The following ZNF395 variants were observed in gnomAD, a reference collection of about 807,000 sequenced individuals.
The protein encoded by ZNF395 is HD gene regulatory region-binding protein 2.
In ZNF395, 20 loss-of-function variants were observed where a neutral mutation model predicts 57.7. That is an observed-to-expected ratio of 0.35 (90% CI 0.24 to 0.50). The LOEUF is 0.50. Among genes scored for constraint, ZNF395 ranks in the 20% least tolerant of loss-of-function variants. The pLI is 0.97. For synonymous variants in ZNF395, 295 were observed against 275.9 expected (o/e 1.07, Z -0.69); for missense variants, 606 against 671.2 (o/e 0.90, Z 1.07).
At position 28,353,412 on chromosome 8, in the gene ZNF395, G is replaced by T; in HGVS notation, c.584-4C>A. 6.6e-7 allele frequency: 1 copy of T among 1,512,024 alleles called. No individual in the cohort carries two copies. Among genetic ancestry groups the T allele is most frequent in the Non-Finnish European group, 8.9e-7 (1 of 1,129,174 alleles). 93.7% of individuals were successfully genotyped at this position (1,512,024 alleles called of 1,614,324 possible). A position where few individuals can be genotyped will look rare whatever the true frequency, so the allele number is the denominator to read the frequency against. The stretch of plus-strand genomic sequence containing the variant: ...GGGTCGCAGGCCGCACGGGAAGCTG[G>T]CCAGATGAAGAAAAGATGAGAGGAC... On this transcript the variant is annotated splice_polypyrimidine_tract_variant and splice_region_variant and intron_variant, in intron 4 of 9. Coordinates refer to ENST00000344423, the MANE Select transcript of ZNF395 (RefSeq NM_018660.3).
chr8:28,373,217 C>A (rs1486701344), intron 1 of ZNF395, among the ~76,000 whole-genome samples: 1 of 152,180 alleles, frequency 6.6e-6, no homozygotes, highest in East Asian at 1.9e-4. Flanking sequence ...ACCCAGGTGG[C>A]CAGGGACACC....
rs574014897 is a variant in ZNF395 at position 28,347,556 on chromosome 8, C to T, written c.*1163G>A. The T allele has an allele frequency of 2.6e-4, 39 of 152,534 alleles. No homozygotes were observed. Among genetic ancestry groups the T allele is most frequent in the African/African-American group, 8.7e-4 (36 of 41,546 alleles). 9.4% of individuals were successfully genotyped at this position (152,534 alleles called of 1,614,324 possible). On this transcript the variant is annotated 3_prime_UTR_variant, in exon 10 of 10. Transcript: ENST00000344423. ...CCTAGATCCCTGGAGGCTCCAGAAA[C>T]ACCAAGGGCCAAAACGCCAGCAGCC...
intron 1 of ZNF395, among the ~76,000 whole-genome samples, chr8:28,381,188 C>T (rs1802105631): frequency 6.6e-6 from 1 of 152,010 alleles, no homozygotes; most frequent in Non-Finnish European, 1.5e-5. Flanking sequence ...ACTACAGGCG[C>T]CCACCACCAC....
Position 28,350,975 on chromosome 8 carries a change from TTGAC to T in ZNF395, c.1233+516_1233+519del, listed in dbSNP as rs1341294431. ...TCTCATGCCTCTAGTAATTAGTACT[TTGAC>T]TGGTTATTATAATTAACCATAGTTA... On this transcript the variant is annotated intron_variant, in intron 7 of 9. Transcript: ENST00000344423. Among the ~76,000 whole-genome samples the T allele has an allele frequency of 3.9e-5, 6 of 152,228 alleles. No homozygotes were observed. The East Asian group carries it at 9.6e-4, about 24-fold the overall frequency.
rs1488919614 is a variant in ZNF395 at position 28,356,691 on chromosome 8, C to T, written c.562G>A (p.Gly188Arg). Residue 188 changes from glycine to arginine, a missense_variant, in exon 4 of 10, where the codon GGG (glycine) becomes AGG (arginine). Physicochemically the swap from Gly to Arg is moderately radical, Grantham distance 125. Transcript: ENST00000344423. This position sits in a 1 kb window ranked among gnomAD's most constrained non-coding sequence, Gnocchi z 4.0. ...SCSPVVQSPP[G>R]TEANFSASRA... ...TCACCAGAGAAGTTGGCCTCGGTCC[C>T]GGGAGGACTCTGTACAACAGGGCTG... The T allele has an allele frequency of 1.5e-5, 24 of 1,614,076 alleles. No homozygotes were observed. Among genetic ancestry groups the T allele is most frequent in the South Asian group, 2.2e-5 (2 of 91,074 alleles).
Position 28,347,742 on chromosome 8 carries a change from C to T in ZNF395, c.*977G>A, listed in dbSNP as rs1010135165. On this transcript the variant is annotated 3_prime_UTR_variant, in exon 10 of 10. Transcript: ENST00000344423. ...ACAGAAAGGAACCTCCAGAACCTCCCTGGGTCTCTCCCGGCCACCCAAATA... is the reference window on the plus strand; with the variant it reads ...ACAGAAAGGAACCTCCAGAACCTCCTTGGGTCTCTCCCGGCCACCCAAATA... 1 of 152,246 alleles carries T rather than the reference C, an allele frequency of 6.6e-6. No individual in the cohort carries two copies. Among genetic ancestry groups the T allele is most frequent in the Non-Finnish European group, 1.5e-5 (1 of 68,088 alleles). 9.4% of individuals were successfully genotyped at this position (152,246 alleles called of 1,614,324 possible).
intron 1 of ZNF395, among the ~76,000 whole-genome samples, chr8:28,371,369 C>T (rs1267384699): frequency 6.6e-6 from 1 of 152,128 alleles, no homozygotes; most frequent in Non-Finnish European, 1.5e-5. Context: ...TTTGTAGAGA[C>T]AGGATTTCAC....
intron 1 of ZNF395, chr8:28,365,229 GA>G (rs1801896950): frequency 6.6e-6 from 1 of 152,256 alleles, no homozygotes; most frequent in East Asian, 1.9e-4. Context: ...GACTCAGAGC[GA>G]ATGACAGCAT....
At chr8:28,368,147 T>C (rs1247517588) in intron 1 of ZNF395, among the ~76,000 whole-genome samples, 1 of 152,138 alleles carries the variant, frequency 6.6e-6, no homozygotes, top group Non-Finnish European at 1.5e-5. Flanking sequence ...GATGGATGAT[T>C]GCTGACTTGG....
chr8:28,386,442 C>T lies in ZNF395; in HGVS notation c.-108G>A, dbSNP rs1429057194. ...CGCTCAATAAGTGCCCGAGCGACTC[C>T]TCGCGCACATGCGCACTTGAACCTG... On this transcript the variant is annotated 5_prime_UTR_variant, in exon 1 of 10. Transcript: ENST00000344423. The T allele has an allele frequency of 6.6e-6, 1 of 151,014 alleles. No homozygotes were observed. Among genetic ancestry groups the T allele is most frequent in the East Asian group, 2.0e-4 (1 of 5,084 alleles). The allele number at this position is 151,014 out of a possible 1,614,324, so 9.4% of individuals were successfully genotyped here.
chr8:28,351,378 A>G, intron 7 of ZNF395, 117 bp downstream of exon 7: 1 of 1,139,878 alleles, frequency 8.8e-7, no homozygotes, highest in Non-Finnish European at 1.2e-6. Context: ...TGTAGAAGAG[A>G]TTAGCAATTT....
chr8:28,364,712 C>A (rs1485354320), intron 1 of ZNF395, among the ~76,000 whole-genome samples: 1 of 151,458 alleles, frequency 6.6e-6, no homozygotes, highest in Non-Finnish European at 1.5e-5. Context: ...TTGCAGTGAG[C>A]CAAGATCACA....
At chr8:28,369,027 G>A (rs1427338884) in intron 1 of ZNF395, among the ~76,000 whole-genome samples, 2 of 151,988 alleles carry the variant, frequency 1.3e-5, no homozygotes, top group African/African-American at 2.4e-5. Flanking sequence ...GTAGAGATGG[G>A]GTTTCACCAA....
At chr8:28,358,009 G>C (rs1280676480) in intron 3 of ZNF395, among the ~76,000 whole-genome samples, 1 of 152,166 alleles carries the variant, frequency 6.6e-6, no homozygotes, top group Non-Finnish European at 1.5e-5. Flanking sequence ...TTCACCAGTG[G>C]TTCTGAATAT....
intron 7 of ZNF395, among the ~76,000 whole-genome samples, chr8:28,350,735 G>A (rs1292026744): frequency 6.6e-6 from 1 of 152,212 alleles, no homozygotes; most frequent in Admixed American, 6.5e-5. Context: ...CTTTCTCACT[G>A]AAAGCAATAC....
chr8:28,359,967 GT>G lies in ZNF395; in HGVS notation c.241-144del. The G allele has an allele frequency of 7.3e-7, 1 of 1,367,816 alleles. No homozygotes were observed. Among genetic ancestry groups the G allele is most frequent in the Non-Finnish European group, 9.7e-7 (1 of 1,028,478 alleles). The allele number at this position is 1,367,816 out of a possible 1,614,324, so 84.7% of individuals were successfully genotyped here. ...TCACTCATCTTTTATTCAAGCAGAT[GT>G]TCCCAGGTACTCGCTTCCCACCTGA... On this transcript the variant is annotated intron_variant, in intron 2 of 9. Transcript: ENST00000344423. This position sits in a 1 kb window ranked among gnomAD's most constrained non-coding sequence, Gnocchi z 4.7.
chr8:28,350,033 G>A lies in ZNF395; in HGVS notation c.1326+31C>T, dbSNP rs2272751. 13,316 of 1,547,704 alleles carry A rather than the reference G, an allele frequency of 8.6e-3. 410 individuals are homozygous for A. In the African/African-American group the frequency reaches 0.1, roughly 12 times the overall value. On this transcript the variant is annotated intron_variant, in intron 8 of 9. Coordinates refer to ENST00000344423, the MANE Select transcript of ZNF395 (RefSeq NM_018660.3). The stretch of plus-strand genomic sequence containing the variant: ...TGTGTGGGAGAGCCCTCGGCCATAC[G>A]AGGCCCCAGCCGTGCTGCCCGCACA...
At chr8:28,349,791 C>A (rs1372352950) in intron 8 of ZNF395, among the ~76,000 whole-genome samples, 2 of 152,242 alleles carry the variant, frequency 1.3e-5, no homozygotes, top group Non-Finnish European at 2.9e-5. Flanking sequence ...TGACCCCAGC[C>A]TCGCCTGGTG....
chr8:28,354,437 G>A (rs949466303), intron 4 of ZNF395, among the ~76,000 whole-genome samples: 1 of 152,172 alleles, frequency 6.6e-6, no homozygotes, highest in Non-Finnish European at 1.5e-5. Context: ...CCTAACCCTG[G>A]ATTCCAAGGT....
Sources: gnomAD v4.1 joint callset for allele counts (sites outside exome capture counted in the v4.1 genomes callset) on GRCh38, gnomAD v4.1.1 for gene constraint, Gnocchi (gnomAD v3.1) non-coding constraint, MANE v1.5 for transcripts, NCBI Gene and HGNC (gene_info 2026-07-23, HGNC 2026-07-21) for gene names.